NCOA1: variants seen among roughly 807,000 people sequenced by gnomAD.
NCOA1 encodes the protein nuclear receptor coactivator 1, also known as Hin-2 protein.
NCOA1 carries 35 observed loss-of-function variants against 150.9 expected under a neutral mutation model. The observed-to-expected ratio is 0.23, with a 90% CI of 0.18 to 0.31. The LOEUF (loss-of-function observed/expected upper bound fraction) is 0.31. Among genes scored for constraint, NCOA1 ranks in the 10% least tolerant of loss-of-function variants. The pLI, the probability that NCOA1 is intolerant of heterozygous loss-of-function variation, is 1.00. For synonymous variants in NCOA1, 590 were observed against 630.0 expected (o/e 0.94, Z 0.95); for missense variants, 1,491 against 1,749.3 (o/e 0.85, Z 2.63).
intron 3 of NCOA1, among the ~76,000 whole-genome samples, chr2:24,608,085 T>TA (rs1558834578): frequency 6.6e-6 from 1 of 151,988 alleles, no homozygotes; most frequent in Non-Finnish European, 1.5e-5. Flanking sequence ...GAGAAGATTT[T>TA]AAACTGTTGA....
At chr2:24,721,753 C>G (rs538704582) in intron 14 of NCOA1, among the ~76,000 whole-genome samples, 8 of 152,220 alleles carry the variant, frequency 5.3e-5, no homozygotes, top group Non-Finnish European at 1.2e-4. Context: ...CCTTTATTTG[C>G]TCAAATGACC....
At chr2:24,519,802 G>A (rs75280499) in intron 1 of NCOA1, among the ~76,000 whole-genome samples, 5,952 of 152,120 alleles carry the variant, frequency 0.039, 164 homozygotes, top group African/African-American at 0.081. Context: ...AGAAAATTTA[G>A]TAGCAGTATT....
At chr2:24,519,800 T>C (rs973356515) in intron 1 of NCOA1, among the ~76,000 whole-genome samples, 11 of 152,020 alleles carry the variant, frequency 7.2e-5, no homozygotes, top group Admixed American at 5.9e-4. Context: ...ACAGAAAATT[T>C]AGTAGCAGTA....
intron 1 of NCOA1, among the ~76,000 whole-genome samples, chr2:24,503,407 A>G (rs1298773997): frequency 3.3e-5 from 5 of 152,154 alleles, no homozygotes; most frequent in Non-Finnish European, 7.4e-5. Flanking sequence ...CTAATTCCTC[A>G]TGTATTGAGG....
At chr2:24,534,367 CA>C (rs1665032007) in intron 1 of NCOA1, among the ~76,000 whole-genome samples, 1 of 151,090 alleles carries the variant, frequency 6.6e-6, no homozygotes, top group Non-Finnish European at 1.5e-5. Context: ...AGAGGACTAT[CA>C]ATTTTGTTGA....
intron 1 of NCOA1, among the ~76,000 whole-genome samples, chr2:24,521,546 G>C (rs528318113): frequency 6.6e-6 from 1 of 152,254 alleles, no homozygotes; most frequent in African/African-American, 2.4e-5. Context: ...GTTCATCCAT[G>C]TTGTCACAAT....
chr2:24,585,684 G>A lies in NCOA1; in HGVS notation c.-175+1124G>A, dbSNP rs1018462071. On this transcript the variant is annotated intron_variant, in intron 3 of 22. Transcript: ENST00000348332. ...TGTAGAAATCTAGATTATTAGTTCT[G>A]ATAGCATTTAGTAAATGTTTCATTT... Among the ~76,000 whole-genome samples, 3 of 152,020 alleles carry A rather than the reference G, an allele frequency of 2.0e-5. No individual in the cohort carries two copies. In the South Asian group the frequency reaches 6.2e-4, roughly 32 times the overall value.
rs1664589615 is a variant in NCOA1, at chr2:24,758,059, G to A, written c.3968G>A (p.Gly1323Asp). ...ATGAGCATCACCGTTTCCATGGCAGGTGGAAATACGAATGTTCAGAACATG... is the reference window on the plus strand; with the variant it reads ...ATGAGCATCACCGTTTCCATGGCAGATGGAAATACGAATGTTCAGAACATG... ...NNMSITVSMA[G>D]GNTNVQNMNP... is the part of the protein sequence containing the mutation. Residue 1323 changes from glycine (G) to aspartate (D), a missense_variant, in exon 21 of 23, where the codon GGT becomes GAT. Gly to Asp is a moderately conservative substitution (Grantham distance 94). This residue lies in a region of NCOA1 where 485 missense variants were observed against 522.8 expected (regional missense o/e 0.93). Coordinates refer to ENST00000348332, the MANE Select transcript of NCOA1 (RefSeq NM_003743.5). 8 of 1,614,128 alleles carry A rather than the reference G, an allele frequency of 5.0e-6. No homozygotes were observed. The highest frequency in any genetic ancestry group is 6.8e-6 in the Non-Finnish European group (8 of 1,180,014).
chr2:24,626,527 G>C (rs577488953), intron 3 of NCOA1, among the ~76,000 whole-genome samples: 13 of 152,306 alleles, frequency 8.5e-5, no homozygotes, highest in African/African-American at 2.9e-4. Context: ...TCTAAGAACC[G>C]AGAGAGCTGG....
intron 3 of NCOA1, among the ~76,000 whole-genome samples, chr2:24,596,850 G>A (rs1323996343): frequency 6.6e-6 from 1 of 152,150 alleles, no homozygotes; most frequent in Non-Finnish European, 1.5e-5. Context: ...TATACTTGAG[G>A]TTTATGAACT....
intron 4 of NCOA1, among the ~76,000 whole-genome samples, chr2:24,645,952 A>G (rs1301098488): frequency 6.6e-6 from 1 of 152,200 alleles, no homozygotes; most frequent in East Asian, 1.9e-4. Context: ...CCATCTCTTT[A>G]AGAGTTTTCA....
At chr2:24,726,291 A>G (rs1295028246) in intron 14 of NCOA1, among the ~76,000 whole-genome samples, 3 of 152,192 alleles carry the variant, frequency 2.0e-5, no homozygotes, top group Non-Finnish European at 2.9e-5. Context: ...AAATTGTTAA[A>G]TTTATCTTTA....
At chr2:24,611,440 A>G (rs1429791880) in intron 3 of NCOA1, among the ~76,000 whole-genome samples, 1 of 152,128 alleles carries the variant, frequency 6.6e-6, no homozygotes, top group Non-Finnish European at 1.5e-5. Context: ...ATAACAATTT[A>G]TATTCTTTTG....
chr2:24,769,857 G>A lies in NCOA1; in HGVS notation c.*1466G>A, dbSNP rs1286942668. ...AGACCCCCATCACTCACCTTTGTCTGCATCCCTGGGCCTGTGAATGATGAC... is the reference window on the plus strand; with the variant it reads ...AGACCCCCATCACTCACCTTTGTCTACATCCCTGGGCCTGTGAATGATGAC... On this transcript the variant is annotated 3_prime_UTR_variant, in exon 23 of 23. Transcript: ENST00000348332. The A allele has an allele frequency of 8.9e-6, 2 of 223,478 alleles. No individual in the cohort carries two copies. Among genetic ancestry groups the A allele is most frequent in the Non-Finnish European group, 1.8e-5 (2 of 111,788 alleles). The allele number at this position is 223,478 out of a possible 1,614,324, so 13.8% of individuals were successfully genotyped here.
chr2:24,606,006 A>G (rs1305335768), intron 3 of NCOA1, among the ~76,000 whole-genome samples: 7 of 152,294 alleles, frequency 4.6e-5, no homozygotes, highest in Middle Eastern at 3.4e-3. Context: ...CGTGCTTCTT[A>G]TATTTCACAG....
intron 3 of NCOA1, among the ~76,000 whole-genome samples, chr2:24,603,039 T>C (rs1411290829): frequency 6.6e-6 from 1 of 152,260 alleles, no homozygotes. Flanking sequence ...TACAAGATAT[T>C]GTGGGTTCAG....
Position 24,691,554 on chromosome 2 carries a change from C to T in NCOA1, c.606C>T (p.His202=). 6.2e-7 allele frequency: 1 copy of T among 1,614,114 alleles called. No homozygotes were observed. Among genetic ancestry groups the T allele is most frequent in the South Asian group, 1.1e-5 (1 of 91,070 alleles). Residue 202 remains histidine (H), a synonymous_variant, in exon 9 of 23, where the codon CAC becomes CAT. Transcript: ENST00000348332. ...SHTFNCRMLI[H]PPDEPGTENQ... ...CCTTTAACTGCAGGATGCTAATTCA[C>T]CCTCCAGATGAGCCAGGGACCGAGA...
At chr2:24,509,321 G>A (rs7603434) in intron 1 of NCOA1, among the ~76,000 whole-genome samples, 99,524 of 152,176 alleles carry the variant, frequency 0.65, 35,950 homozygotes, top group East Asian at 0.86. Context: ...CTTGACTCCA[G>A]TCTTGTGCTC....
intron 2 of NCOA1, among the ~76,000 whole-genome samples, chr2:24,578,252 A>G (rs1667066244): frequency 6.6e-6 from 1 of 152,194 alleles, no homozygotes; most frequent in South Asian, 2.1e-4. Context: ...TGGGATGATC[A>G]GATGGCAGTT....
Sources: allele counts gnomAD v4.1 joint callset (sites outside exome capture counted in the v4.1 genomes callset), GRCh38; gene constraint gnomAD v4.1.1; regional missense constraint gnomAD v4.1.1; transcripts MANE v1.5; gene names NCBI Gene and HGNC (gene_info 2026-07-23, HGNC 2026-07-21).